The following R3HCC1L variants were observed in gnomAD, a reference collection of about 807,000 sequenced individuals.
R3HCC1L encodes the protein R3H domain and coiled-coil containing 1 like, also known as coiled-coil domain-containing protein R3HCC1L.
R3HCC1L carries 51 observed loss-of-function variants against 59.9 expected under a neutral mutation model. That is an observed-to-expected ratio of 0.85 (90% CI 0.68 to 1.07). The LOEUF (loss-of-function observed/expected upper bound fraction) is 1.07, where lower values mean the gene tolerates loss of function less well. Ranked by LOEUF, R3HCC1L falls within the 50% of genes least tolerant of loss-of-function variation. R3HCC1L has a pLI of 0.00. For synonymous variants in R3HCC1L, 322 were observed against 315.2 expected, an observed-to-expected ratio of 1.02 and a Z score of -0.23; for missense variants, 965 against 933.0, an observed-to-expected ratio of 1.03 and a Z score of -0.45.
In R3HCC1L at chr10:98,156,091, A is replaced by G. The variant is rs530897028; in HGVS notation, c.-267-2A>G. The G allele has an allele frequency of 1.3e-5, 2 of 150,726 alleles. No homozygotes were observed. Among genetic ancestry groups the G allele is most frequent in the South Asian group, 4.2e-4 (2 of 4,784 alleles). The allele number at this position is 150,726 out of a possible 1,614,324, so 9.3% of individuals were successfully genotyped here. On this transcript the variant is annotated splice_acceptor_variant, in intron 1 of 9. Transcript: ENST00000298999. LOFTEE classifies it low-confidence loss of function (5UTR_SPLICE). Reference sequence around the variant, plus strand: ...TTTAATTCTTGGAAATTTCTCTTCTAGAGACTTCCAGTGTCCTACTATTGA... The same window carrying G: ...TTTAATTCTTGGAAATTTCTCTTCTGGAGACTTCCAGTGTCCTACTATTGA...
rs147118122 is a variant in R3HCC1L at position 98,147,305 on chromosome 10, T to C, written c.-267-8788T>C. On this transcript the variant is annotated intron_variant, in intron 1 of 9. Coordinates refer to ENST00000298999, the MANE Select transcript of R3HCC1L (RefSeq NM_001351015.2). The stretch of plus-strand genomic sequence containing the variant: ...AGTTGTTTGAACTCCTTGTATATTC[T>C]TGTTATTAATCCTTTGCCAGATGGA... Among the ~76,000 whole-genome samples, 5 of 152,342 alleles carry C rather than the reference T, an allele frequency of 3.3e-5. No homozygotes were observed. The East Asian group carries it at 9.6e-4, about 29-fold the overall frequency.
At chr10:98,242,301 A>G (rs1256764515) in intron 9 of R3HCC1L, among the ~76,000 whole-genome samples, 1 of 152,162 alleles carries the variant, frequency 6.6e-6, no homozygotes, top group African/African-American at 2.4e-5. Flanking sequence ...GTAAGCCAAG[A>G]TCACACCACT....
At chr10:98,196,678 T>C (rs2134998791) in intron 4 of R3HCC1L, among the ~76,000 whole-genome samples, 1 of 152,328 alleles carries the variant, frequency 6.6e-6, no homozygotes, top group Admixed American at 6.5e-5. Flanking sequence ...TGACCACTTC[T>C]TATGACCTCT....
chr10:98,169,118 G>A (rs1449108034), intron 4 of R3HCC1L, among the ~76,000 whole-genome samples: 1 of 152,158 alleles, frequency 6.6e-6, no homozygotes, highest in Admixed American at 6.5e-5. Context: ...TGCCATGAAA[G>A]CATTAAAGAT....
intron 4 of R3HCC1L, among the ~76,000 whole-genome samples, chr10:98,166,260 G>A (rs938377320): frequency 2.6e-5 from 4 of 152,144 alleles, no homozygotes; most frequent in African/African-American, 9.7e-5. Flanking sequence ...TCAACCTACT[G>A]CAACCTGGAA....
intron 8 of R3HCC1L, among the ~76,000 whole-genome samples, chr10:98,235,801 G>C (rs1024651840): frequency 3.9e-5 from 6 of 152,216 alleles, no homozygotes; most frequent in Admixed American, 3.9e-4. Flanking sequence ...CTGCCTGATA[G>C]AGTCACTGTA....
At chr10:98,187,730 CTTTTTTTTTTTTTTT>C (rs755546581) in intron 4 of R3HCC1L, among the ~76,000 whole-genome samples, 7 of 95,162 alleles carry the variant, frequency 7.4e-5, no homozygotes, top group Non-Finnish European at 1.5e-4. Flanking sequence ...TGTAACAATT[CTTTTTTTTTTTTTTT>C]TTTTTTTAAG....
chr10:98,192,653 TCTC>T (rs1298183663), intron 4 of R3HCC1L, among the ~76,000 whole-genome samples: 1 of 151,886 alleles, frequency 6.6e-6, no homozygotes, highest in Non-Finnish European at 1.5e-5. Flanking sequence ...TAAGCAAAAA[TCTC>T]CTAGCAAAGA....
At chr10:98,186,803 G>A (rs1169406110) in intron 4 of R3HCC1L, among the ~76,000 whole-genome samples, 2 of 152,110 alleles carry the variant, frequency 1.3e-5, no homozygotes, top group Non-Finnish European at 2.9e-5. Context: ...CAAGTATGGT[G>A]TATTATTACA....
chr10:98,211,458 A>G (rs947563114), intron 5 of R3HCC1L: 1 of 1,315,660 alleles, frequency 7.6e-7, no homozygotes, highest in African/African-American at 1.5e-5. Context: ...AATCAGGTTA[A>G]GAAATAATAA....
intron 9 of R3HCC1L, among the ~76,000 whole-genome samples, chr10:98,241,409 TG>T (rs1857521070): frequency 6.6e-6 from 1 of 152,214 alleles, no homozygotes; most frequent in Non-Finnish European, 1.5e-5. Flanking sequence ...GCACCGTGAT[TG>T]CAGGCAACTC....
Position 98,209,028 on chromosome 10 carries a change from C to G in R3HCC1L, c.914C>G (p.Thr305Arg). The change falls in exon 5 of 10, where the codon ACA (threonine) becomes AGA (arginine). Residue 305 changes from threonine to arginine, a missense_variant. By Grantham distance (71) the Thr-to-Arg change is moderately conservative. Transcript: ENST00000298999. ...GGTTTCATCTTAGATCAAAAAGATA[C>G]AGATTCCATTCCTGCAACTATGGGT... is the stretch of plus-strand genomic sequence containing the variant. ...STGFILDQKD[T>R]DSIPATMGHI... is the part of the protein sequence containing the mutation. The G allele has an allele frequency of 6.2e-7, 1 of 1,613,658 alleles. No homozygotes were observed. The highest frequency in any genetic ancestry group is 8.5e-7 in the Non-Finnish European group (1 of 1,179,656).
At chr10:98,138,593 G>C (rs1284339796) in intron 1 of R3HCC1L, among the ~76,000 whole-genome samples, 1 of 152,084 alleles carries the variant, frequency 6.6e-6, no homozygotes, top group Non-Finnish European at 1.5e-5. Context: ...GGAATTTTTG[G>C]AAGGTATGCT....
At chr10:98,207,325 A>AT (rs1165337006) in intron 4 of R3HCC1L, among the ~76,000 whole-genome samples, 5 of 152,166 alleles carry the variant, frequency 3.3e-5, no homozygotes, top group African/African-American at 7.2e-5. Context: ...GTAGATAAAG[A>AT]TTTTTTTAAC....
chr10:98,172,800 T>TGA (rs1379317096), intron 4 of R3HCC1L, among the ~76,000 whole-genome samples: 1 of 152,196 alleles, frequency 6.6e-6, no homozygotes, highest in Non-Finnish European at 1.5e-5. Flanking sequence ...GTATTCAGTA[T>TGA]GAGGCTGTAG....
At chr10:98,211,556 C>T (rs896165226) in intron 5 of R3HCC1L, among the ~76,000 whole-genome samples, 9 of 152,180 alleles carry the variant, frequency 5.9e-5, no homozygotes, top group African/African-American at 2.2e-4. Context: ...AAACAGTGTT[C>T]GCAAGAGTTG....
At chr10:98,202,234 A>G (rs968180399) in intron 4 of R3HCC1L, among the ~76,000 whole-genome samples, 13 of 152,322 alleles carry the variant, frequency 8.5e-5, no homozygotes, top group African/African-American at 2.9e-4. Flanking sequence ...ATGGAATCAG[A>G]GAAGAATAAA....
intron 5 of R3HCC1L, among the ~76,000 whole-genome samples, chr10:98,216,822 G>A (rs760556126): frequency 7.9e-5 from 12 of 151,968 alleles, no homozygotes; most frequent in African/African-American, 1.5e-4. Flanking sequence ...TCAAGTGATC[G>A]TCTCACCTCA....
At chr10:98,205,617 G>C (rs948894751) in intron 4 of R3HCC1L, among the ~76,000 whole-genome samples, 1 of 152,132 alleles carries the variant, frequency 6.6e-6, no homozygotes, top group Non-Finnish European at 1.5e-5. Context: ...ATATTTGCCA[G>C]CACACTGCTG....
Sources: gnomAD v4.1 joint callset for allele counts (sites outside exome capture counted in the v4.1 genomes callset) on GRCh38, gnomAD v4.1.1 for gene constraint, MANE v1.5 for transcripts, NCBI Gene and HGNC (gene_info 2026-07-23, HGNC 2026-07-21) for gene names.